Variants in DOCK1 observed in about 807,000 individuals in gnomAD.
DOCK1 encodes dedicator of cytokinesis protein 1.
DOCK1 carries 138 observed loss-of-function variants against 262.7 expected under a neutral mutation model. The observed-to-expected ratio is 0.53, with a 90% CI of 0.46 to 0.61. DOCK1 has a LOEUF of 0.61. DOCK1 is among the 20% of genes least tolerant of loss of function. DOCK1 has a pLI of 0.00. For synonymous variants in DOCK1, 866 were observed against 867.4 expected (o/e 1.00, Z 0.03); for missense variants, 1,908 against 2,370.7 (o/e 0.80, Z 4.05).
chr10:127,282,766 G>A (rs189886634), intron 29 of DOCK1, among the ~76,000 whole-genome samples: 139 of 152,254 alleles, frequency 9.1e-4, no homozygotes, highest in Non-Finnish European at 1.4e-3. Context: ...TGACATCTTC[G>A]TGAGACCTGA....
At chr10:127,167,254 T>C (rs1166425344) in intron 27 of DOCK1, among the ~76,000 whole-genome samples, 1 of 152,156 alleles carries the variant, frequency 6.6e-6, no homozygotes, top group Non-Finnish European at 1.5e-5. Context: ...AAATGATAAC[T>C]TATATTTGGG....
At chr10:127,326,328 G>A (rs2135613338) in intron 29 of DOCK1, among the ~76,000 whole-genome samples, 1 of 152,212 alleles carries the variant, frequency 6.6e-6, no homozygotes, top group African/African-American at 2.4e-5. Flanking sequence ...TCTCAAACTC[G>A]GCCAACTGCT....
intron 23 of DOCK1, among the ~76,000 whole-genome samples, chr10:127,084,253 A>G (rs553787581): frequency 1.3e-5 from 2 of 152,242 alleles, no homozygotes; most frequent in African/African-American, 2.4e-5. Context: ...GTTCTTTACC[A>G]GGCTTGTGTT....
At chr10:127,094,484 G>C (rs1307952393) in intron 23 of DOCK1, among the ~76,000 whole-genome samples, 1 of 152,168 alleles carries the variant, frequency 6.6e-6, no homozygotes, top group Non-Finnish European at 1.5e-5. Context: ...GTGAGTGTCT[G>C]TGTACCCTGG....
chr10:127,126,443 G>A (rs1199763729), intron 26 of DOCK1, among the ~76,000 whole-genome samples: 1 of 152,090 alleles, frequency 6.6e-6, no homozygotes, highest in African/African-American at 2.4e-5. Flanking sequence ...ATCAGAAGTT[G>A]GTGCCAGCCC....
chr10:127,251,091 T>G (rs2134841383), intron 28 of DOCK1, among the ~76,000 whole-genome samples: 1 of 151,910 alleles, frequency 6.6e-6, no homozygotes, highest in South Asian at 2.1e-4. Flanking sequence ...GCCTCCCGAG[T>G]AGCTGGGATT....
Position 127,338,967 on chromosome 10 carries a change from G to C in DOCK1, c.3045-39G>C, listed in dbSNP as rs376991067. 3.9e-6 allele frequency: 6 copies of C among 1,521,806 alleles called. No homozygotes were observed. The South Asian group carries it at 4.8e-5, about 12-fold the overall frequency. 94.3% of individuals were successfully genotyped at this position (1,521,806 alleles called of 1,614,324 possible). A position where few individuals can be genotyped will look rare whatever the true frequency, so the allele number is the denominator to read the frequency against. On this transcript the variant is annotated intron_variant, in intron 29 of 51. Coordinates refer to ENST00000623213, the MANE Select transcript of DOCK1 (RefSeq NM_001290223.2). The stretch of plus-strand genomic sequence containing the variant: ...GCCAAACCTACCGAAGTGCCAGAGC[G>C]TAAGTGTGTAATTATGTAATTTTCT...
intron 44 of DOCK1, among the ~76,000 whole-genome samples, chr10:127,417,412 T>A (rs955293378): frequency 6.6e-6 from 1 of 151,710 alleles, no homozygotes; most frequent in Non-Finnish European, 1.5e-5. Context: ...AGGGTGGAGG[T>A]CCCTGAGAGA....
At position 127,425,840 on chromosome 10, in the gene DOCK1, A is replaced by G. The variant is rs1213608939; in HGVS notation, c.4777-34A>G. On this transcript the variant is annotated intron_variant, in intron 46 of 51. Coordinates refer to ENST00000623213, the MANE Select transcript of DOCK1 (RefSeq NM_001290223.2). ...ATTGCTCGTCCTAGACCATTATCCA[A>G]GAAATAAGGAATGTCAACCTCTCTG... 4.3e-6 allele frequency: 7 copies of G among 1,613,498 alleles called. No homozygotes were observed. In the South Asian group the frequency reaches 7.7e-5, roughly 18 times the overall value.
intron 15 of DOCK1, 97 bp downstream of exon 15, chr10:127,024,880 C>T (rs2042718394): frequency 9.4e-7 from 1 of 1,064,018 alleles, no homozygotes; most frequent in Non-Finnish European, 1.3e-6. Flanking sequence ...AGCCCGGGAG[C>T]TGCTCCAGGC....
intron 2 of DOCK1, among the ~76,000 whole-genome samples, chr10:126,971,483 G>A (rs746063810): frequency 2.6e-5 from 4 of 152,090 alleles, no homozygotes; most frequent in Non-Finnish European, 5.9e-5. Context: ...CACAATCAGA[G>A]CTCACCGCAG....
intron 26 of DOCK1, among the ~76,000 whole-genome samples, chr10:127,126,686 T>G (rs2049985626): frequency 6.6e-6 from 1 of 152,190 alleles, no homozygotes; most frequent in African/African-American, 2.4e-5. Context: ...GCTATTGATC[T>G]TCCAGGTGTG....
At chr10:127,184,866 C>T (rs2056082052) in intron 27 of DOCK1, among the ~76,000 whole-genome samples, 2 of 152,164 alleles carry the variant, frequency 1.3e-5, no homozygotes, top group Non-Finnish European at 2.9e-5. Context: ...TACCTGTCAC[C>T]TTCATTTACT....
chr10:126,952,306 C>A (rs1179955590), intron 1 of DOCK1, among the ~76,000 whole-genome samples: 1 of 148,558 alleles, frequency 6.7e-6, no homozygotes, highest in Non-Finnish European at 1.5e-5. Flanking sequence ...GTGGTGGTGG[C>A]AGTAGTATTG....
intron 38 of DOCK1, among the ~76,000 whole-genome samples, chr10:127,401,011 T>G (rs999493561): frequency 6.6e-6 from 1 of 152,132 alleles, no homozygotes; most frequent in Non-Finnish European, 1.5e-5. Flanking sequence ...GATGAGCCTT[T>G]TGAGATCTTT....
intron 30 of DOCK1, among the ~76,000 whole-genome samples, chr10:127,339,653 G>A (rs1014294574): frequency 4.8e-5 from 7 of 144,944 alleles, no homozygotes; most frequent in East Asian, 2.0e-4. Flanking sequence ...GTGTGTGCGC[G>A]CGCGCATGCA....
At chr10:127,274,588 C>A (rs2060679699) in intron 29 of DOCK1, among the ~76,000 whole-genome samples, 1 of 152,036 alleles carries the variant, frequency 6.6e-6, no homozygotes. Flanking sequence ...GTTTTGCAGG[C>A]CACATGAACC....
intron 38 of DOCK1, among the ~76,000 whole-genome samples, chr10:127,388,251 C>A (rs2066251931): frequency 6.6e-6 from 1 of 152,154 alleles, no homozygotes; most frequent in African/African-American, 2.4e-5. Flanking sequence ...ATTGGCTGGC[C>A]TTGAATCAGA....
At chr10:127,101,310 C>G (rs1592028815) in intron 23 of DOCK1, among the ~76,000 whole-genome samples, 1 of 151,978 alleles carries the variant, frequency 6.6e-6, no homozygotes, top group African/African-American at 2.4e-5. Flanking sequence ...GAGAGGAAAC[C>G]CGGCCCTTCA....
Sources: gnomAD v4.1 joint callset for allele counts (sites outside exome capture counted in the v4.1 genomes callset) on GRCh38, gnomAD v4.1.1 for gene constraint, MANE v1.5 for transcripts, NCBI Gene and HGNC (gene_info 2026-07-23, HGNC 2026-07-21) for gene names.